The following ESRRG variants were observed in gnomAD, a reference collection of about 807,000 sequenced individuals.
ESRRG encodes estrogen-related receptor gamma.
In ESRRG, 13 loss-of-function variants were observed where a neutral mutation model predicts 44.0. That is an observed-to-expected ratio of 0.30 (90% CI 0.19 to 0.47). The LOEUF (loss-of-function observed/expected upper bound fraction) is 0.47, where lower values mean the gene tolerates loss of function less well. ESRRG is among the 20% of genes least tolerant of loss of function. The probability of loss-of-function intolerance (pLI) is 1.00; values close to 1 mark genes in which losing one functional copy is unlikely to be tolerated. For synonymous variants in ESRRG, 215 were observed against 214.6 expected, an observed-to-expected ratio of 1.00 and a Z score of -0.02; for missense variants, 395 against 580.6, an observed-to-expected ratio of 0.68 and a Z score of 3.29.
At chr1:216,888,599 G>T (rs774404868) in intron 2 of ESRRG, among the ~76,000 whole-genome samples, 1 of 151,988 alleles carries the variant, frequency 6.6e-6, no homozygotes, top group African/African-American at 2.4e-5. Context: ...CATGGGATTC[G>T]TACAGACTCT....
intron 2 of ESRRG, among the ~76,000 whole-genome samples, chr1:216,757,286 C>G (rs1048209631): frequency 1.3e-5 from 2 of 151,970 alleles, no homozygotes; most frequent in East Asian, 3.9e-4. Context: ...CCCAGCAGTA[C>G]TCTACTTCTG....
intron 3 of ESRRG, among the ~76,000 whole-genome samples, chr1:216,571,081 A>T (rs532987808): frequency 6.6e-6 from 1 of 152,336 alleles, no homozygotes; most frequent in East Asian, 1.9e-4. Context: ...GCCATCAAGT[A>T]GTTTAGCCAA....
intron 2 of ESRRG, among the ~76,000 whole-genome samples, chr1:216,858,489 A>T (rs543363797): frequency 8.1e-6 from 1 of 123,722 alleles, no homozygotes; most frequent in Non-Finnish European, 1.6e-5. Context: ...TTGTTGTACG[A>T]CCTCACTAGA....
chr1:216,823,035 T>C (rs951011122), intron 2 of ESRRG, among the ~76,000 whole-genome samples: 1 of 152,064 alleles, frequency 6.6e-6, no homozygotes, highest in South Asian at 2.1e-4. Context: ...CTTCGACTTG[T>C]AGCTTAGCCT....
chr1:216,827,616 C>T (rs2095419160), intron 2 of ESRRG, among the ~76,000 whole-genome samples: 1 of 152,184 alleles, frequency 6.6e-6, no homozygotes, highest in African/African-American at 2.4e-5. Context: ...TCATGTAATT[C>T]ATTTGACCTC....
chr1:216,523,750 C>T (rs889811786), intron 5 of ESRRG, among the ~76,000 whole-genome samples: 4 of 151,402 alleles, frequency 2.6e-5, no homozygotes, highest in African/African-American at 9.7e-5. Context: ...AAATAGAGAG[C>T]AAGCATTTTA....
chr1:216,881,847 A>G (rs2096453231), intron 2 of ESRRG, among the ~76,000 whole-genome samples: 2 of 152,172 alleles, frequency 1.3e-5, no homozygotes, highest in Non-Finnish European at 2.9e-5. Flanking sequence ...TGTGTTGTGA[A>G]CCATCTGGTA....
At chr1:216,766,871 C>T (rs1305669313) in intron 2 of ESRRG, among the ~76,000 whole-genome samples, 1 of 152,162 alleles carries the variant, frequency 6.6e-6, no homozygotes, top group Non-Finnish European at 1.5e-5. Flanking sequence ...ATCCAGTGTT[C>T]TCTATCCATT....
At chr1:216,996,189 A>G (rs1560410764) in intron 1 of ESRRG, among the ~76,000 whole-genome samples, 1 of 152,192 alleles carries the variant, frequency 6.6e-6, no homozygotes, top group Non-Finnish European at 1.5e-5. Context: ...AATTTCTTTC[A>G]TGACTGTGTC....
intron 1 of ESRRG, among the ~76,000 whole-genome samples, chr1:217,021,083 C>CACACACACACAG (rs755502621): frequency 2.0e-5 from 3 of 146,488 alleles, no homozygotes; most frequent in Non-Finnish European, 1.5e-5. Context: ...CACATACACA[C>CACACACACACAG]AGAGAAAGAT....
At chr1:217,049,126 A>G (rs1215377045) in intron 1 of ESRRG, among the ~76,000 whole-genome samples, 1 of 152,148 alleles carries the variant, frequency 6.6e-6, no homozygotes, top group Non-Finnish European at 1.5e-5. Flanking sequence ...CTATCTCCAA[A>G]GCTCCTCCCT....
intron 3 of ESRRG, among the ~76,000 whole-genome samples, chr1:216,622,826 A>C (rs1267110012): frequency 6.6e-6 from 1 of 152,200 alleles, no homozygotes; most frequent in African/African-American, 2.4e-5. Context: ...ATGAAGCCTG[A>C]AAATAAATTA....
At chr1:216,671,100 G>A (rs1158931095) in intron 2 of ESRRG, among the ~76,000 whole-genome samples, 6 of 152,218 alleles carry the variant, frequency 3.9e-5, no homozygotes, top group Admixed American at 3.9e-4. Flanking sequence ...TTCCATAATG[G>A]TCACTCCCAC....
At chr1:217,131,458 T>C (rs1222696375) in intron 1 of ESRRG, among the ~76,000 whole-genome samples, 3 of 152,208 alleles carry the variant, frequency 2.0e-5, no homozygotes, top group Non-Finnish European at 4.4e-5. Flanking sequence ...ACCTGGAGAA[T>C]TGAAGAGGGA....
At chr1:216,530,204 C>T (rs1172120661) in intron 5 of ESRRG, among the ~76,000 whole-genome samples, 1 of 150,126 alleles carries the variant, frequency 6.7e-6, no homozygotes, top group Non-Finnish European at 1.5e-5. Context: ...ACATTAGAGT[C>T]TAATATTGTA....
chr1:216,790,401 G>A (rs75997114), intron 2 of ESRRG, among the ~76,000 whole-genome samples: 3,430 of 152,112 alleles, frequency 0.023, 125 homozygotes, highest in African/African-American at 0.079. Flanking sequence ...ATGGAATAAG[G>A]CATAAGTCAC....
intron 1 of ESRRG, among the ~76,000 whole-genome samples, chr1:216,711,168 G>T (rs1287342206): frequency 1.3e-5 from 2 of 152,172 alleles, no homozygotes; most frequent in Non-Finnish European, 2.9e-5. Flanking sequence ...CCGCAGGTGG[G>T]CAAGGAAAGC....
At chr1:216,629,747 T>G (rs1435311769) in intron 3 of ESRRG, among the ~76,000 whole-genome samples, 1 of 152,200 alleles carries the variant, frequency 6.6e-6, no homozygotes, top group African/African-American at 2.4e-5. Context: ...GAAATACCCT[T>G]GCTTTATGTG....
intron 1 of ESRRG, among the ~76,000 whole-genome samples, chr1:216,995,008 A>AGATG (rs1487245225): frequency 6.6e-6 from 1 of 152,210 alleles, no homozygotes; most frequent in African/African-American, 2.4e-5. Flanking sequence ...ATGAAACAGA[A>AGATG]GATGGCATTC....
Sources: allele counts gnomAD v4.1 joint callset (sites outside exome capture counted in the v4.1 genomes callset), GRCh38; gene constraint gnomAD v4.1.1; transcripts MANE v1.5; gene names NCBI Gene and HGNC (gene_info 2026-07-23, HGNC 2026-07-21).